The following ZCCHC7 variants were observed in gnomAD, a reference collection of about 807,000 sequenced individuals.
The protein encoded by ZCCHC7 is zinc finger CCHC-type containing 7.
In ZCCHC7, 35 loss-of-function variants were observed where a neutral mutation model predicts 52.0. That is an observed-to-expected ratio of 0.67 (90% confidence interval 0.51 to 0.89). The LOEUF is 0.89. ZCCHC7 is among the 40% of genes least tolerant of loss of function. ZCCHC7 has a pLI of 0.00. For synonymous variants in ZCCHC7, 217 were observed against 221.5 expected (o/e 0.98, Z 0.18); for missense variants, 574 against 649.1 (o/e 0.88, Z 1.26).
At chr9:37,249,878 G>C (rs879347141) in intron 2 of ZCCHC7, among the ~76,000 whole-genome samples, 1 of 152,156 alleles carries the variant, frequency 6.6e-6, no homozygotes, top group African/African-American at 2.4e-5. Flanking sequence ...GAGATGTGTA[G>C]AGTATGGTCC....
At chr9:37,349,538 A>G (rs2118614265) in intron 7 of ZCCHC7, 86 bp downstream of exon 7, 1 of 1,267,174 alleles carries the variant, frequency 7.9e-7, no homozygotes, top group East Asian at 2.4e-5. Context: ...ATGTAACTCT[A>G]AATACTTACT....
At chr9:37,258,634 G>C (rs1248550772) in intron 2 of ZCCHC7, among the ~76,000 whole-genome samples, 1 of 151,590 alleles carries the variant, frequency 6.6e-6, no homozygotes, top group Non-Finnish European at 1.5e-5. Context: ...GGTAGTCCCA[G>C]CTAGCTCCTT....
intron 2 of ZCCHC7, among the ~76,000 whole-genome samples, chr9:37,270,940 T>G (rs1469038790): frequency 6.6e-6 from 1 of 152,172 alleles, no homozygotes; most frequent in African/African-American, 2.4e-5. Context: ...GTCAATTATA[T>G]GAACTCTACC....
intron 2 of ZCCHC7, among the ~76,000 whole-genome samples, chr9:37,179,415 T>C (rs1822232110): frequency 6.6e-6 from 1 of 152,200 alleles, no homozygotes; most frequent in Non-Finnish European, 1.5e-5. Flanking sequence ...TCTCTGAATT[T>C]TACTTGCCTG....
chr9:37,301,963 C>T (rs536884712), intron 2 of ZCCHC7, among the ~76,000 whole-genome samples: 3 of 152,214 alleles, frequency 2.0e-5, no homozygotes, highest in Non-Finnish European at 4.4e-5. Flanking sequence ...AGGGAAAATA[C>T]TATTATCCCA....
At chr9:37,185,531 A>G (rs1285045408) in intron 2 of ZCCHC7, among the ~76,000 whole-genome samples, 1 of 152,220 alleles carries the variant, frequency 6.6e-6, no homozygotes, top group Non-Finnish European at 1.5e-5. Flanking sequence ...TTCTCTCAAG[A>G]GTTCTGGAGG....
At chr9:37,297,358 CTT>C in intron 2 of ZCCHC7, among the ~76,000 whole-genome samples, 1 of 152,218 alleles carries the variant, frequency 6.6e-6, no homozygotes, top group Admixed American at 6.5e-5. Flanking sequence ...CCAAAAATGT[CTT>C]TTACATGAGA....
chr9:37,223,781 T>A (rs1824949608), intron 2 of ZCCHC7, among the ~76,000 whole-genome samples: 1 of 152,152 alleles, frequency 6.6e-6, no homozygotes, highest in South Asian at 2.1e-4. Context: ...CCCAGATGTT[T>A]AATAGTAATG....
intron 2 of ZCCHC7, among the ~76,000 whole-genome samples, chr9:37,262,216 ATTT>A (rs35551852): frequency 1.4e-5 from 2 of 147,160 alleles, no homozygotes; most frequent in Non-Finnish European, 1.5e-5. Context: ...GAAAAAGGTG[ATTT>A]TTTTTTTTTT....
At chr9:37,139,536 A>G (rs1192573560) in intron 2 of ZCCHC7, among the ~76,000 whole-genome samples, 1 of 152,014 alleles carries the variant, frequency 6.6e-6, no homozygotes, top group Non-Finnish European at 1.5e-5. Context: ...TGCTAAATGT[A>G]TAGCTTTTAT....
intron 2 of ZCCHC7, among the ~76,000 whole-genome samples, chr9:37,240,006 A>G (rs2133352596): frequency 6.6e-6 from 1 of 152,196 alleles, no homozygotes; most frequent in African/African-American, 2.4e-5. Flanking sequence ...GTAAGCTGCG[A>G]GGCATTTATG....
Position 37,354,746 on chromosome 9 carries a change from G to C in ZCCHC7, c.1120G>C (p.Val374Leu). Residue 374 changes from valine (V) to leucine (L), a missense_variant, in exon 8 of 9, where the codon GTA becomes CTA. Transcript: ENST00000336755. This position sits in a 1 kb window ranked among gnomAD's most constrained non-coding sequence, Gnocchi z 4.0. ...AAGAGAAGTGTATGACCCGTCTCCAGTATCTCCATTCATCTGCTACTATGA... is the reference window on the plus strand; with the variant it reads ...AAGAGAAGTGTATGACCCGTCTCCACTATCTCCATTCATCTGCTACTATGA... ...PEREVYDPSP[V>L]SPFICYYDDK... 6.2e-7 allele frequency: 1 copy of C among 1,613,308 alleles called. No homozygotes were observed. The highest frequency in any genetic ancestry group is 8.5e-7 in the Non-Finnish European group (1 of 1,179,348).
At chr9:37,320,367 C>T (rs374615581) in intron 5 of ZCCHC7, among the ~76,000 whole-genome samples, 2 of 152,188 alleles carry the variant, frequency 1.3e-5, no homozygotes, top group African/African-American at 2.4e-5. Context: ...CATGAGCCAC[C>T]GCACCTGGCC....
At chr9:37,128,615 T>C (rs1216992343) in intron 2 of ZCCHC7, among the ~76,000 whole-genome samples, 2 of 152,242 alleles carry the variant, frequency 1.3e-5, no homozygotes, top group Non-Finnish European at 1.5e-5. Flanking sequence ...TGAGAAATAG[T>C]GTTTATAATG....
At chr9:37,174,736 A>G (rs1588428149) in intron 2 of ZCCHC7, among the ~76,000 whole-genome samples, 2 of 152,194 alleles carry the variant, frequency 1.3e-5, no homozygotes, top group African/African-American at 2.4e-5. Flanking sequence ...TTGTGTCACT[A>G]TTTAAGGGTT....
At chr9:37,127,134 G>A (rs1038355172) in intron 2 of ZCCHC7, among the ~76,000 whole-genome samples, 192 bp downstream of exon 2, 2 of 152,214 alleles carry the variant, frequency 1.3e-5, no homozygotes, top group African/African-American at 4.8e-5. Flanking sequence ...GTCAGAAAGA[G>A]TATGTCAGAA....
Position 37,149,461 on chromosome 9 carries a change from C to T in ZCCHC7, c.610+22519C>T, listed in dbSNP as rs537911135. Among the ~76,000 whole-genome samples the T allele has an allele frequency of 3.3e-5, 5 of 152,096 alleles. No homozygotes were observed. The East Asian group carries it at 7.7e-4, about 24-fold the overall frequency. ...ACCCCCCTGTCCCCAACAAACAAAA[C>T]TGATCAAAGTAAGAATTAGATCATG... is the stretch of plus-strand genomic sequence containing the variant. On this transcript the variant is annotated intron_variant, in intron 2 of 8. Transcript: ENST00000336755.
intron 1 of ZCCHC7, among the ~76,000 whole-genome samples, chr9:37,123,195 GTGTGTGT>G (rs1564126071): frequency 5.9e-4 from 3 of 5,072 alleles, no homozygotes; most frequent in Non-Finnish European, 2.6e-3. Flanking sequence ...TCAAGGGTGT[GTGTGTGT>G]GTGTGTGTGT....
intron 2 of ZCCHC7, among the ~76,000 whole-genome samples, chr9:37,170,618 T>C (rs556576070): frequency 4.7e-4 from 71 of 152,322 alleles, no homozygotes; most frequent in Non-Finnish European, 8.2e-4. Context: ...AACATGCCAA[T>C]GAAACCAAAT....
Sources: gnomAD v4.1 joint callset for allele counts (sites outside exome capture counted in the v4.1 genomes callset) on GRCh38, gnomAD v4.1.1 for gene constraint, Gnocchi (gnomAD v3.1) non-coding constraint, MANE v1.5 for transcripts, NCBI Gene and HGNC (gene_info 2026-07-23, HGNC 2026-07-21) for gene names.